Variants in GCLM observed in about 807,000 individuals in gnomAD.
GCLM encodes the protein glutamate--cysteine ligase regulatory subunit.
Under a neutral mutation model 36.0 loss-of-function variants are expected in GCLM, and 15 were observed. The ratio of observed to expected loss-of-function variants is 0.42; its 90% CI spans 0.28 to 0.64. The LOEUF is 0.64. GCLM is among the 30% of genes least tolerant of loss of function. The pLI, the probability that GCLM is intolerant of heterozygous loss-of-function variation, is 0.25. For synonymous variants in GCLM, 129 were observed against 122.8 expected, an observed-to-expected ratio of 1.05 and a Z score of -0.34; for missense variants, 242 against 325.5, an observed-to-expected ratio of 0.74 and a Z score of 1.97.
At chr1:93,908,941 C>A in intron 1 of GCLM, 97 bp downstream of exon 1, 4 of 1,026,910 alleles carry the variant, frequency 3.9e-6, no homozygotes, top group Non-Finnish European at 5.1e-6. Context: ...GGCCCTGCCA[C>A]CCTCCCTCGC....
At position 93,909,339 on chromosome 1, in the gene GCLM, G is replaced by A. The variant is rs1182417942; in HGVS notation, c.-176C>T. 2.9e-6 allele frequency: 3 copies of A among 1,025,656 alleles called. No individual in the cohort carries two copies. Among genetic ancestry groups the A allele is most frequent in the African/African-American group, 3.4e-5 (2 of 58,456 alleles). The allele number at this position is 1,025,656 out of a possible 1,614,324, so 63.5% of individuals were successfully genotyped here. ...CGCTCGGGCCCGAGGGAGGCCGGACGGCGGCTGGGCGGCGGCGGGAAAGGA... is the reference window on the plus strand; with the variant it reads ...CGCTCGGGCCCGAGGGAGGCCGGACAGCGGCTGGGCGGCGGCGGGAAAGGA... On this transcript the variant is annotated 5_prime_UTR_variant, in exon 1 of 7. Transcript: ENST00000370238.
chr1:93,898,532 G>T (rs1656825269), intron 3 of GCLM, among the ~76,000 whole-genome samples: 1 of 151,930 alleles, frequency 6.6e-6, no homozygotes, highest in African/African-American at 2.4e-5. Context: ...TAGAGACAGG[G>T]TCTCATTATA....
In GCLM at chr1:93,885,850, C is replaced by T. The variant is rs1390112297; in HGVS notation, c.*3140G>A. ...GGAGCATAATTAAATGAACCTTAGACCTTTTATCATTGAAAATTAAGATCC... is the reference window on the plus strand; with the variant it reads ...GGAGCATAATTAAATGAACCTTAGATCTTTTATCATTGAAAATTAAGATCC... On this transcript the variant is annotated 3_prime_UTR_variant, in exon 7 of 7. Transcript: ENST00000370238. 6.6e-6 allele frequency: 1 copy of T among 152,134 alleles called. No individual in the cohort carries two copies. Among genetic ancestry groups the T allele is most frequent in the Non-Finnish European group, 1.5e-5 (1 of 67,994 alleles). The allele number at this position is 152,134 out of a possible 1,614,324, so 9.4% of individuals were successfully genotyped here. A position where few individuals can be genotyped will look rare whatever the true frequency, so the allele number is the denominator to read the frequency against.
Position 93,909,167 on chromosome 1 carries a change from A to G in GCLM, c.-4T>C. The G allele has an allele frequency of 7.6e-7, 1 of 1,313,676 alleles. No individual in the cohort carries two copies. 81.4% of individuals were successfully genotyped at this position (1,313,676 alleles called of 1,614,324 possible). ...CCGCGCGGCTGTCGGTGCCCATGGCAGCGGCCGCCCAGGGGCCGCGCAGCG... is the reference window on the plus strand; with the variant it reads ...CCGCGCGGCTGTCGGTGCCCATGGCGGCGGCCGCCCAGGGGCCGCGCAGCG... On this transcript the variant is annotated 5_prime_UTR_variant, in exon 1 of 7. Transcript: ENST00000370238.
At chr1:93,903,370 G>C (rs183186069) in intron 2 of GCLM, among the ~76,000 whole-genome samples, 3 of 151,848 alleles carry the variant, frequency 2.0e-5, no homozygotes, top group African/African-American at 7.2e-5. Context: ...GAGTGCAGTG[G>C]TGTGATCTCA....
intron 6 of GCLM, among the ~76,000 whole-genome samples, chr1:93,889,921 T>TA (rs995851670): frequency 2.8e-4 from 41 of 145,368 alleles, no homozygotes; most frequent in Middle Eastern, 3.5e-3. Flanking sequence ...TATATATATA[T>TA]TTTTTTTTGA....
Position 93,889,000 on chromosome 1 carries a change from C to G in GCLM, c.815G>C (p.Arg272Thr). 6.3e-7 allele frequency: 1 copy of G among 1,587,100 alleles called. No homozygotes were observed. The highest frequency in any genetic ancestry group is 8.6e-7 in the Non-Finnish European group (1 of 1,168,604). Residue 272 changes from arginine (R) to threonine (T), a missense_variant, in exon 7 of 7, where the codon AGG (arginine) becomes ACG (threonine). Coordinates refer to ENST00000370238, the MANE Select transcript of GCLM (RefSeq NM_002061.4). ...ATGCTCCTAAGTCAGTTAAGAACCCCTTCTTTTAGCTTGTAAAATGTAGCC... is the reference window on the plus strand; with the variant it reads ...ATGCTCCTAAGTCAGTTAAGAACCCGTTCTTTTAGCTTGTAAAATGTAGCC... The part of the protein sequence containing the change: ...SKGYILQAKR[R>T]GS
chr1:93,889,989 G>A (rs777096682), intron 6 of GCLM, among the ~76,000 whole-genome samples: 65 of 151,412 alleles, frequency 4.3e-4, no homozygotes, highest in Non-Finnish European at 8.4e-4. Context: ...TTGGCCCACT[G>A]CAACCTCCAC....
rs1359095637 is a variant in GCLM at position 93,888,201 on chromosome 1, G to A, written c.*789C>T. 1 of 152,116 alleles carries A rather than the reference G, an allele frequency of 6.6e-6. No homozygotes were observed. Among genetic ancestry groups the A allele is most frequent in the East Asian group, 1.9e-4 (1 of 5,200 alleles). 9.4% of individuals were successfully genotyped at this position (152,116 alleles called of 1,614,324 possible). A position where few individuals can be genotyped will look rare whatever the true frequency, so the allele number is the denominator to read the frequency against. ...ATATGGTAAATACTCAATACTTATT[G>A]AGGATTCTTGAATGAGTAGCAATAT... On this transcript the variant is annotated 3_prime_UTR_variant, in exon 7 of 7. Coordinates refer to ENST00000370238, the MANE Select transcript of GCLM (RefSeq NM_002061.4).
chr1:93,889,549 C>CTTTTTTGG (rs1176693491), intron 6 of GCLM, among the ~76,000 whole-genome samples: 1 of 151,674 alleles, frequency 6.6e-6, no homozygotes, highest in Admixed American at 6.6e-5. Context: ...TTCCTTACAA[C>CTTTTTTGG]TTTTTTGGTG....
chr1:93,889,647 G>A (rs77889969), intron 6 of GCLM, among the ~76,000 whole-genome samples: 1 of 151,460 alleles, frequency 6.6e-6, no homozygotes, highest in South Asian at 2.1e-4. Flanking sequence ...ATCTGTATGT[G>A]TGTGTGTATA....
rs1428497180 is a variant in GCLM at position 93,905,087 on chromosome 1, T to G, written c.127-499A>C. Among the ~76,000 whole-genome samples, 3 of 151,110 alleles carry G rather than the reference T, an allele frequency of 2.0e-5. No homozygotes were observed. The Admixed American group carries it at 2.0e-4, about 10-fold the overall frequency. On this transcript the variant is annotated intron_variant, in intron 1 of 6. Transcript: ENST00000370238. The stretch of plus-strand genomic sequence containing the variant: ...TCGGGTGGCTGAGGCAGGACAATTT[T>G]GCTTGAACCCAGGAGGTGGAGGTTA...
chr1:93,895,741 T>TA (rs1474612635), intron 5 of GCLM, among the ~76,000 whole-genome samples: 1 of 152,146 alleles, frequency 6.6e-6, no homozygotes, highest in East Asian at 1.9e-4. Flanking sequence ...AGAGTAAAGG[T>TA]AAAACGCTAG....
rs1403973858 is a variant in GCLM, at chr1:93,886,999, T to TTTC, written c.*1990_*1991insGAA. ...TCACATGATTTCACATAATTTTTCT[T>TTTC]TTTTTTTTTTTTTTGAGACGCAGTC... is the stretch of plus-strand genomic sequence containing the variant. On this transcript the variant is annotated 3_prime_UTR_variant, in exon 7 of 7. Coordinates refer to ENST00000370238, the MANE Select transcript of GCLM (RefSeq NM_002061.4). 2.7e-5 allele frequency: 4 copies of TTTC among 147,888 alleles called. No homozygotes were observed. The highest frequency in any genetic ancestry group is 4.2e-4 in the South Asian group (2 of 4,732). The allele number at this position is 147,888 out of a possible 1,614,324, so 9.2% of individuals were successfully genotyped here. A position where few individuals can be genotyped will look rare whatever the true frequency, so the allele number is the denominator to read the frequency against.
At position 93,904,602 on chromosome 1, in the gene GCLM, G is replaced by A; in HGVS notation, c.127-14C>T. Reference sequence around the variant, plus strand: ...ACAATCATGAAGCTGCAAAAGGAATGCATTTTGAAACTGTTAATCAAAGTC... The same window carrying A: ...ACAATCATGAAGCTGCAAAAGGAATACATTTTGAAACTGTTAATCAAAGTC... On this transcript the variant is annotated splice_polypyrimidine_tract_variant and intron_variant, in intron 1 of 6. Transcript: ENST00000370238. 6.4e-7 allele frequency: 1 copy of A among 1,566,892 alleles called. No homozygotes were observed. The highest frequency in any genetic ancestry group is 8.8e-7 in the Non-Finnish European group (1 of 1,137,224).
chr1:93,908,954 G>T, intron 1 of GCLM, 84 bp downstream of exon 1: 1 of 1,142,248 alleles, frequency 8.8e-7, no homozygotes, highest in Middle Eastern at 3.4e-4. Flanking sequence ...TCCCTCGCCC[G>T]CGGGCGCTTC....
In GCLM at chr1:93,909,251, G is replaced by A. The variant is rs1657272006; in HGVS notation, c.-88C>T. 2 of 1,091,970 alleles carry A rather than the reference G, an allele frequency of 1.8e-6. No individual in the cohort carries two copies. The highest frequency in any genetic ancestry group is 3.3e-5 in the African/African-American group (2 of 60,068). 67.6% of individuals were successfully genotyped at this position (1,091,970 alleles called of 1,614,324 possible). ...CGCCCCACAGGACGCGGTGCCCGAG[G>A]CCCGAGAGAGACCCGAGAGGGAGCG... On this transcript the variant is annotated 5_prime_UTR_variant, in exon 1 of 7. Coordinates refer to ENST00000370238, the MANE Select transcript of GCLM (RefSeq NM_002061.4).
chr1:93,903,988 C>T (rs1481190635), intron 2 of GCLM, among the ~76,000 whole-genome samples: 3 of 152,150 alleles, frequency 2.0e-5, no homozygotes, highest in Non-Finnish European at 4.4e-5. Context: ...ACCAGTATTT[C>T]CAGCACATGT....
Position 93,906,903 on chromosome 1 carries a change from C to A in GCLM, c.126+2135G>T, listed in dbSNP as rs17879340. 1.3e-3 allele frequency among the ~76,000 whole-genome samples: 192 copies of A among 152,164 alleles called. 3 individuals carry two copies. The highest frequency in any genetic ancestry group is 4.5e-3 in the African/African-American group (188 of 41,516). ...ACAACAAAGAACTGGGCAAAACAGT[C>A]CTATAATGGTCCACTTACAAACTAT... On this transcript the variant is annotated intron_variant, in intron 1 of 6. Coordinates refer to ENST00000370238, the MANE Select transcript of GCLM (RefSeq NM_002061.4).
Sources: allele counts gnomAD v4.1 joint callset (sites outside exome capture counted in the v4.1 genomes callset), GRCh38; gene constraint gnomAD v4.1.1; transcripts MANE v1.5; gene names NCBI Gene and HGNC (gene_info 2026-07-23, HGNC 2026-07-21).